The following PAPPA variants were observed in gnomAD, a reference collection of about 807,000 sequenced individuals.
PAPPA encodes the protein pappalysin-1.
Under a neutral mutation model 164.0 loss-of-function variants are expected in PAPPA, and 60 were observed. The observed-to-expected ratio is 0.37, with a 90% CI of 0.30 to 0.45. PAPPA has a LOEUF of 0.45. PAPPA is among the 20% of genes least tolerant of loss of function. PAPPA has a pLI of 1.00. For synonymous variants in PAPPA, 875 were observed against 814.1 expected (o/e 1.07, Z -1.27); for missense variants, 1,782 against 2,087.3 (o/e 0.85, Z 2.85).
chr9:116,350,401 G>A (rs1411235233), intron 15 of PAPPA, among the ~76,000 whole-genome samples: 2 of 152,102 alleles, frequency 1.3e-5, no homozygotes, highest in African/African-American at 4.8e-5. Context: ...TTGTTGCAGG[G>A]GTGGGGGGAC....
At position 116,330,975 on chromosome 9, in the gene PAPPA, A is replaced by G. The variant is rs187425843; in HGVS notation, c.3148-269A>G. Among the ~76,000 whole-genome samples, 48 of 152,246 alleles carry G rather than the reference A, an allele frequency of 3.2e-4. No homozygotes were observed. The East Asian group carries it at 8.9e-3, about 28-fold the overall frequency. ...CTACTCTTCCAGGCCCAAATCAAAT[A>G]ACAACTCCTCCAAGATTTGTCTCCG... On this transcript the variant is annotated intron_variant, in intron 10 of 21. Coordinates refer to ENST00000328252, the MANE Select transcript of PAPPA (RefSeq NM_002581.5).
chr9:116,167,951 G>A (rs976257973), intron 1 of PAPPA, among the ~76,000 whole-genome samples: 5 of 152,178 alleles, frequency 3.3e-5, no homozygotes, highest in Non-Finnish European at 7.3e-5. Context: ...GCTAAGCTAA[G>A]TGAGTAAGGT....
intron 7 of PAPPA, among the ~76,000 whole-genome samples, chr9:116,253,970 G>A (rs921396078): frequency 8.6e-5 from 13 of 151,876 alleles, no homozygotes; most frequent in African/African-American, 3.1e-4. Flanking sequence ...TACCTAAATG[G>A]TCTTCCACCA....
chr9:116,265,355 G>A (rs1845053801), intron 7 of PAPPA, among the ~76,000 whole-genome samples: 1 of 152,186 alleles, frequency 6.6e-6, no homozygotes, highest in Admixed American at 6.5e-5. Flanking sequence ...CAGGGAGGCA[G>A]AGAGCCACTG....
intron 5 of PAPPA, among the ~76,000 whole-genome samples, chr9:116,223,989 C>A (rs1844475134): frequency 6.6e-6 from 1 of 152,200 alleles, no homozygotes; most frequent in African/African-American, 2.4e-5. Flanking sequence ...CATCAGCTCC[C>A]ATTTTGTGCA....
intron 8 of PAPPA, among the ~76,000 whole-genome samples, chr9:116,269,702 G>T (rs1391961473): frequency 6.6e-6 from 1 of 152,192 alleles, no homozygotes; most frequent in Non-Finnish European, 1.5e-5. Context: ...AACACTGTTT[G>T]GGTGGCGATG....
intron 8 of PAPPA, among the ~76,000 whole-genome samples, chr9:116,268,437 G>A (rs1054213576): frequency 6.6e-6 from 1 of 152,118 alleles, no homozygotes; most frequent in East Asian, 1.9e-4. Flanking sequence ...ATCATTTGTG[G>A]GTCCAAGATT....
chr9:116,312,735 C>T (rs899784585), intron 10 of PAPPA, among the ~76,000 whole-genome samples: 2 of 152,178 alleles, frequency 1.3e-5, no homozygotes, highest in Non-Finnish European at 2.9e-5. Flanking sequence ...ATAAATTAGA[C>T]TGGGTATGTT....
At chr9:116,241,230 A>C (rs922819013) in intron 7 of PAPPA, among the ~76,000 whole-genome samples, 3 of 152,210 alleles carry the variant, frequency 2.0e-5, no homozygotes, top group Non-Finnish European at 2.9e-5. Flanking sequence ...ACATGAGCTT[A>C]ACTACTTTCT....
intron 13 of PAPPA, among the ~76,000 whole-genome samples, chr9:116,337,234 T>C (rs1427147367): frequency 6.6e-6 from 1 of 152,156 alleles, no homozygotes; most frequent in Non-Finnish European, 1.5e-5. Context: ...GGCTGCCTTA[T>C]CCCTGAGCTT....
intron 1 of PAPPA, among the ~76,000 whole-genome samples, chr9:116,174,187 G>A (rs755908393): frequency 3.1e-4 from 47 of 152,168 alleles, no homozygotes; most frequent in Non-Finnish European, 2.6e-4. Context: ...TAATCACTCG[G>A]TAAGCATCAG....
chr9:116,201,228 A>G (rs2118661380), intron 2 of PAPPA, among the ~76,000 whole-genome samples: 1 of 152,354 alleles, frequency 6.6e-6, no homozygotes, highest in East Asian at 1.9e-4. Flanking sequence ...TATGGATGCA[A>G]TAAACATTCT....
intron 5 of PAPPA, among the ~76,000 whole-genome samples, chr9:116,221,115 G>A (rs1844440757): frequency 6.6e-6 from 1 of 152,058 alleles, no homozygotes; most frequent in Non-Finnish European, 1.5e-5. Flanking sequence ...TCCCTTCCCT[G>A]AAAACTGGGT....
intron 2 of PAPPA, 119 bp downstream of exon 2, chr9:116,188,335 C>G: frequency 1.4e-6 from 1 of 703,142 alleles, no homozygotes; most frequent in Admixed American, 2.9e-5. Context: ...CAACCAGCAG[C>G]TTCATGATTG....
intron 2 of PAPPA, among the ~76,000 whole-genome samples, chr9:116,201,148 G>A (rs974000347): frequency 1.3e-5 from 2 of 152,134 alleles, no homozygotes. Flanking sequence ...AGGGCCCTTG[G>A]GATAAAGAAC....
At chr9:116,194,700 C>T (rs1412563874) in intron 2 of PAPPA, among the ~76,000 whole-genome samples, 1 of 152,118 alleles carries the variant, frequency 6.6e-6, no homozygotes, top group Non-Finnish European at 1.5e-5. Flanking sequence ...CTGTGTGAGA[C>T]ACCTGGTATG....
At chr9:116,387,634 C>G (rs1262367953) in intron 21 of PAPPA, among the ~76,000 whole-genome samples, 1 of 152,200 alleles carries the variant, frequency 6.6e-6, no homozygotes, top group Non-Finnish European at 1.5e-5. Context: ...CTCAGCTTCC[C>G]AAAGTGCTGG....
At chr9:116,342,294 T>G (rs1433426100) in intron 13 of PAPPA, among the ~76,000 whole-genome samples, 1 of 152,146 alleles carries the variant, frequency 6.6e-6, no homozygotes, top group Admixed American at 6.5e-5. Context: ...ACTCCACAGT[T>G]ACAGTCTCTT....
Position 116,401,247 on chromosome 9 carries a change from G to C in PAPPA, c.*4631G>C, listed in dbSNP as rs943044290. 2.6e-5 allele frequency: 4 copies of C among 152,542 alleles called. No individual in the cohort carries two copies. Among genetic ancestry groups the C allele is most frequent in the Non-Finnish European group, 5.9e-5 (4 of 68,034 alleles). The allele number at this position is 152,542 out of a possible 1,614,324, so 9.4% of individuals were successfully genotyped here. On this transcript the variant is annotated 3_prime_UTR_variant, in exon 22 of 22. Coordinates refer to ENST00000328252, the MANE Select transcript of PAPPA (RefSeq NM_002581.5). ...GCTGATTATGTCCTACAATGTCAAAGTCAGCTAACTGTCGTCTACTTAAGA... is the reference window on the plus strand; with the variant it reads ...GCTGATTATGTCCTACAATGTCAAACTCAGCTAACTGTCGTCTACTTAAGA...
Sources: allele counts gnomAD v4.1 joint callset (sites outside exome capture counted in the v4.1 genomes callset), GRCh38; gene constraint gnomAD v4.1.1; transcripts MANE v1.5; gene names NCBI Gene and HGNC (gene_info 2026-07-23, HGNC 2026-07-21).